LGR6: variants seen among roughly 807,000 people sequenced by gnomAD.
LGR6 encodes leucine-rich repeat-containing G protein-coupled receptor 6.
A neutral mutation model predicts 69.4 loss-of-function variants in LGR6; 45 were observed. That is an observed-to-expected ratio of 0.65 (90% CI 0.51 to 0.83). The LOEUF (loss-of-function observed/expected upper bound fraction) is 0.83, where lower values mean the gene tolerates loss of function less well. Among genes scored for constraint, LGR6 ranks in the 40% least tolerant of loss-of-function variants. The pLI is 0.00. For synonymous variants in LGR6, 538 were observed against 555.0 expected, an observed-to-expected ratio of 0.97 and a Z score of 0.43; for missense variants, 1,108 against 1,246.7, an observed-to-expected ratio of 0.89 and a Z score of 1.68.
chr1:202,318,327 G>C lies in LGR6; in HGVS notation c.2024G>C (p.Arg675Pro). 6.3e-7 allele frequency: 1 copy of C among 1,594,140 alleles called. No homozygotes were observed. Among genetic ancestry groups the C allele is most frequent in the Admixed American group, 1.7e-5 (1 of 58,208 alleles). ...VQCSVSVSCV[R>P]AYGKSPSLGS... Reference sequence around the variant, plus strand: ...TGCAGCGTCTCCGTCTCCTGTGTCCGGGCCTATGGGAAGTCCCCCTCCCTG... The same window carrying C: ...TGCAGCGTCTCCGTCTCCTGTGTCCCGGCCTATGGGAAGTCCCCCTCCCTG... The change falls in exon 18 of 18, where the codon CGG becomes CCG. Residue 675 changes from arginine (R) to proline (P), a missense_variant. Arg to Pro is a moderately radical substitution (Grantham distance 103). Coordinates refer to ENST00000367278, the MANE Select transcript of LGR6 (RefSeq NM_001017403.2).
Position 202,310,281 on chromosome 1 carries a change from T to G in LGR6, c.1491T>G (p.Ala497=). ...SFFKASGQWE[A]EDLHLDDEES... is the part of the protein sequence containing the mutation. Reference sequence around the variant, plus strand: ...TCAAGGCCTCTGGGCAGTGGGAGGCTGAAGACCTTCACCTTGATGATGAGG... The same window carrying G: ...TCAAGGCCTCTGGGCAGTGGGAGGCGGAAGACCTTCACCTTGATGATGAGG... Residue 497 remains alanine, a synonymous_variant, in exon 16 of 18, where the codon GCT becomes GCG. Transcript: ENST00000367278. The G allele has an allele frequency of 6.2e-7, 1 of 1,614,098 alleles. No individual in the cohort carries two copies. Among genetic ancestry groups the G allele is most frequent in the South Asian group, 1.1e-5 (1 of 91,068 alleles).
chr1:202,225,505 G>A lies in LGR6; in HGVS notation c.284+11G>A, dbSNP rs140066219. On this transcript the variant is annotated intron_variant, in intron 2 of 17. Transcript: ENST00000367278. ...CTTCTTGGAGGAGCTGTGAGTAGAT[G>A]CTTTGCAGGGTGGGAGGCAAGCATG... The A allele has an allele frequency of 6.8e-5, 109 of 1,611,998 alleles. No homozygotes were observed. Among genetic ancestry groups the A allele is most frequent in the Non-Finnish European group, 8.8e-5 (104 of 1,178,204 alleles).
rs757783383 is a variant in LGR6, at chr1:202,276,424, A to C, written c.547A>C (p.Asn183His). 13 of 1,614,058 alleles carry C rather than the reference A, an allele frequency of 8.1e-6. No individual in the cohort carries two copies. Among genetic ancestry groups the C allele is most frequent in the African/African-American group, 1.3e-5 (1 of 74,920 alleles). ...ALTEIPVRAL[N>H]NLPALQAMTL... ...CACGGAGATCCCTGTCAGGGCCCTC[A>C]ACAACCTCCCTGCCCTGCAGGCCAT... Residue 183 changes from asparagine to histidine, a missense_variant, in exon 5 of 18, where the codon AAC becomes CAC. Coordinates refer to ENST00000367278, the MANE Select transcript of LGR6 (RefSeq NM_001017403.2).
At chr1:202,233,516 G>C (rs1363211576) in intron 3 of LGR6, among the ~76,000 whole-genome samples, 1 of 152,180 alleles carries the variant, frequency 6.6e-6, no homozygotes, top group Non-Finnish European at 1.5e-5. Flanking sequence ...TTAGATGAAA[G>C]AAGTCAGGAT....
chr1:202,251,054 GAC>G (rs1317435550), intron 4 of LGR6, among the ~76,000 whole-genome samples: 6 of 152,198 alleles, frequency 3.9e-5, no homozygotes, highest in African/African-American at 1.4e-4. Context: ...TGGCATAGCA[GAC>G]AGAGCTGAGA....
At chr1:202,246,049 TCATC>T (rs1347290537) in intron 4 of LGR6, among the ~76,000 whole-genome samples, 1 of 100,720 alleles carries the variant, frequency 9.9e-6, no homozygotes, top group African/African-American at 3.9e-5. Context: ...ATCCATCCAT[TCATC>T]CATCCCTCCC....
At chr1:202,204,446 TCC>T (rs1658976172) in intron 1 of LGR6, among the ~76,000 whole-genome samples, 5 of 11,446 alleles carry the variant, frequency 4.4e-4, no homozygotes, top group South Asian at 4.6e-3. Context: ...CACACACACC[TCC>T]ACACACACAC....
At chr1:202,304,451 G>A in intron 10 of LGR6, 108 bp from the exon 11 acceptor site, 1 of 672,400 alleles carries the variant, frequency 1.5e-6, no homozygotes, top group Non-Finnish European at 2.4e-6. Flanking sequence ...TCTCTCTTTT[G>A]TTAGCTCCGT....
At chr1:202,222,561 CA>C (rs1660237119) in intron 1 of LGR6, among the ~76,000 whole-genome samples, 1 of 152,160 alleles carries the variant, frequency 6.6e-6, no homozygotes, top group South Asian at 2.1e-4. Flanking sequence ...CAGAAATGCA[CA>C]GGGTAAATAT....
intron 1 of LGR6, among the ~76,000 whole-genome samples, chr1:202,222,111 G>A (rs1660199839): frequency 1.3e-5 from 2 of 152,190 alleles, no homozygotes; most frequent in African/African-American, 2.4e-5. Context: ...GGTGGCTCTC[G>A]GCCTTGAAAT....
chr1:202,227,445 C>A (rs954558801), intron 2 of LGR6, among the ~76,000 whole-genome samples: 6 of 152,208 alleles, frequency 3.9e-5, no homozygotes, highest in Non-Finnish European at 5.9e-5. Context: ...ATTTCCTTAA[C>A]CCTCTTGGAT....
chr1:202,317,486 A>G (rs2148324351), intron 17 of LGR6, among the ~76,000 whole-genome samples: 1 of 152,132 alleles, frequency 6.6e-6, no homozygotes, highest in Admixed American at 6.5e-5. Context: ...TTGGGACTAC[A>G]TGTGCGTGCC....
At chr1:202,302,437 T>C (rs1430581417) in intron 9 of LGR6, among the ~76,000 whole-genome samples, 1 of 152,168 alleles carries the variant, frequency 6.6e-6, no homozygotes, top group Non-Finnish European at 1.5e-5. Flanking sequence ...TTTTCTGCGC[T>C]GCTGTTGCAT....
intron 17 of LGR6, 28 bp downstream of exon 17, chr1:202,314,910 G>A (rs757812248): frequency 6.4e-6 from 10 of 1,560,336 alleles, no homozygotes; most frequent in Admixed American, 1.7e-5. Flanking sequence ...GAATGGGGAC[G>A]AGGGGGAATG....
intron 1 of LGR6, among the ~76,000 whole-genome samples, chr1:202,212,694 G>A (rs1165930692): frequency 6.6e-6 from 1 of 152,196 alleles, no homozygotes; most frequent in East Asian, 1.9e-4. Flanking sequence ...TAATCCAGGA[G>A]GATCTCCTCA....
At chr1:202,199,590 C>T (rs1245663496) in intron 1 of LGR6, among the ~76,000 whole-genome samples, 1 of 150,900 alleles carries the variant, frequency 6.6e-6, no homozygotes, top group Non-Finnish European at 1.5e-5. Flanking sequence ...CCCCGCCTTC[C>T]CCCCATTCCA....
intron 1 of LGR6, among the ~76,000 whole-genome samples, chr1:202,208,927 A>G (rs1018096700): frequency 3.3e-5 from 5 of 152,086 alleles, no homozygotes; most frequent in African/African-American, 1.2e-4. Flanking sequence ...GAGTGTAGTA[A>G]GAGGGGAAGG....
At chr1:202,195,807 G>A (rs1331645599) in intron 1 of LGR6, among the ~76,000 whole-genome samples, 1 of 152,186 alleles carries the variant, frequency 6.6e-6, no homozygotes, top group Non-Finnish European at 1.5e-5. Context: ...GGGGAGATAA[G>A]GCCTTCCAGA....
intron 6 of LGR6, among the ~76,000 whole-genome samples, chr1:202,286,083 C>T (rs1365878012): frequency 6.6e-6 from 1 of 152,206 alleles, no homozygotes; most frequent in East Asian, 1.9e-4. Flanking sequence ...ATTTGGGGCC[C>T]ACCCTGTTAA....
Sources: allele counts gnomAD v4.1 joint callset (sites outside exome capture counted in the v4.1 genomes callset), GRCh38; gene constraint gnomAD v4.1.1; transcripts MANE v1.5; gene names NCBI Gene and HGNC (gene_info 2026-07-23, HGNC 2026-07-21).